Variants in NUDCD1 observed in about 807,000 individuals in gnomAD.
NUDCD1 encodes the protein nudC domain-containing protein 1.
A neutral mutation model predicts 67.8 loss-of-function variants in NUDCD1; 60 were observed. That is an observed-to-expected ratio of 0.88 (90% CI 0.72 to 1.10). The LOEUF (loss-of-function observed/expected upper bound fraction) is 1.10, where lower values mean the gene tolerates loss of function less well. NUDCD1 is among the 50% of genes least tolerant of loss of function. The probability of loss-of-function intolerance (pLI) is 0.00; values close to 1 mark genes in which losing one functional copy is unlikely to be tolerated. For synonymous variants in NUDCD1, 244 were observed against 230.8 expected (o/e 1.06, Z -0.52); for missense variants, 643 against 695.0 (o/e 0.93, Z 0.84).
intron 4 of NUDCD1, among the ~76,000 whole-genome samples, chr8:109,292,335 C>G (rs111598875): frequency 0.021 from 3,153 of 151,932 alleles, 110 homozygotes; most frequent in African/African-American, 0.072. Context: ...ACTACAACAC[C>G]AAAAAGAACT....
At chr8:109,270,085 CCTTAAGG>C (rs1814108315) in intron 8 of NUDCD1, among the ~76,000 whole-genome samples, 8 of 5,068 alleles carry the variant, frequency 1.6e-3, no homozygotes, top group Admixed American at 3.2e-3. Flanking sequence ...GGGGGGGGTG[CCTTAAGG>C]TGGGGTGTGA....
intron 2 of NUDCD1, among the ~76,000 whole-genome samples, chr8:109,320,195 T>C (rs1815502233): frequency 6.6e-6 from 1 of 152,220 alleles, no homozygotes; most frequent in African/African-American, 2.4e-5. Context: ...TCAACCGGTC[T>C]GACCAAAATT....
chr8:109,308,318 C>T (rs1046319965), intron 2 of NUDCD1, among the ~76,000 whole-genome samples: 2 of 152,152 alleles, frequency 1.3e-5, no homozygotes, highest in African/African-American at 4.8e-5. Context: ...CTCTGGGACA[C>T]AGCAAAGGCA....
In NUDCD1 at chr8:109,241,585, A is replaced by G. The variant is rs1372151987; in HGVS notation, c.*1424T>C. 6.6e-6 allele frequency: 1 copy of G among 152,248 alleles called. No individual in the cohort carries two copies. Among genetic ancestry groups the G allele is most frequent in the African/African-American group, 2.4e-5 (1 of 41,438 alleles). The allele number at this position is 152,248 out of a possible 1,614,324, so 9.4% of individuals were successfully genotyped here. On this transcript the variant is annotated 3_prime_UTR_variant, in exon 10 of 10. Coordinates refer to ENST00000239690, the MANE Select transcript of NUDCD1 (RefSeq NM_032869.4). ...AGTACTATTAGGACTCCAATTGTCA[A>G]TACCAGTCCTCAGGACCTTTCCTAA...
chr8:109,303,459 G>C (rs1424304814), intron 2 of NUDCD1, among the ~76,000 whole-genome samples: 2 of 152,136 alleles, frequency 1.3e-5, no homozygotes, highest in African/African-American at 4.8e-5. Context: ...GAGTATTGAC[G>C]GCCAGGCTTC....
chr8:109,296,309 T>C (rs1325334013), intron 3 of NUDCD1, 75 bp downstream of exon 3: 10 of 1,156,492 alleles, frequency 8.6e-6, no homozygotes, highest in African/African-American at 1.5e-5. Flanking sequence ...CCTTGAAAAG[T>C]GTCATTTTAA....
chr8:109,255,814 A>G (rs1813723849), intron 8 of NUDCD1, among the ~76,000 whole-genome samples: 1 of 152,220 alleles, frequency 6.6e-6, no homozygotes, highest in African/African-American at 2.4e-5. Flanking sequence ...GAGAAAAGGT[A>G]GAACATTTCA....
intron 8 of NUDCD1, among the ~76,000 whole-genome samples, chr8:109,261,235 T>C (rs1046641289): frequency 1.3e-5 from 2 of 152,262 alleles, no homozygotes; most frequent in South Asian, 2.1e-4. Flanking sequence ...AGGCTACAAA[T>C]TGAACCTACA....
At chr8:109,327,075 A>G (rs760388394) in intron 1 of NUDCD1, among the ~76,000 whole-genome samples, 4 of 152,228 alleles carry the variant, frequency 2.6e-5, no homozygotes, top group Non-Finnish European at 4.4e-5. Context: ...TAACTTACAA[A>G]GGTCACTTCA....
intron 7 of NUDCD1, among the ~76,000 whole-genome samples, chr8:109,274,452 G>C (rs1472633124): frequency 6.6e-6 from 1 of 152,112 alleles, no homozygotes; most frequent in East Asian, 1.9e-4. Flanking sequence ...AATACTTGCT[G>C]AATGAGCGAA....
At chr8:109,295,083 A>C (rs1013462238) in intron 3 of NUDCD1, among the ~76,000 whole-genome samples, 1 of 152,160 alleles carries the variant, frequency 6.6e-6, no homozygotes, top group African/African-American at 2.4e-5. Flanking sequence ...AGGTAGAATT[A>C]AGTTTTTAAA....
At chr8:109,309,537 CT>C (rs1815190263) in intron 2 of NUDCD1, among the ~76,000 whole-genome samples, 1 of 152,140 alleles carries the variant, frequency 6.6e-6, no homozygotes, top group Non-Finnish European at 1.5e-5. Context: ...AGCATTCCCT[CT>C]GAAAACTGGA....
At chr8:109,312,030 C>G (rs927441740) in intron 2 of NUDCD1, among the ~76,000 whole-genome samples, 1 of 151,874 alleles carries the variant, frequency 6.6e-6, no homozygotes, top group African/African-American at 2.4e-5. Context: ...CGGCTGGGCG[C>G]GGTGGCTCAT....
At chr8:109,298,675 T>TA (rs1205999548) in intron 2 of NUDCD1, 11 of 152,024 alleles carry the variant, frequency 7.2e-5, no homozygotes, top group Admixed American at 2.0e-4. Flanking sequence ...ATGTATAACA[T>TA]AAAAAAAGCC....
chr8:109,261,318 C>T (rs1431749733), intron 8 of NUDCD1, among the ~76,000 whole-genome samples: 11 of 151,978 alleles, frequency 7.2e-5, no homozygotes. Flanking sequence ...ATTAGCACTG[C>T]TAGGTCAAGA....
intron 7 of NUDCD1, among the ~76,000 whole-genome samples, chr8:109,274,853 G>A (rs1486572574): frequency 6.6e-6 from 1 of 152,050 alleles, no homozygotes; most frequent in Non-Finnish European, 1.5e-5. Context: ...TCATGAGAGT[G>A]GGAATGTATT....
chr8:109,329,176 T>C (rs186023541), intron 1 of NUDCD1, among the ~76,000 whole-genome samples: 15 of 151,118 alleles, frequency 9.9e-5, no homozygotes, highest in South Asian at 2.1e-4. Flanking sequence ...ATGGAAACTA[T>C]TGGCAATAAA....
At chr8:109,258,181 C>G (rs1454320200) in intron 8 of NUDCD1, among the ~76,000 whole-genome samples, 1 of 152,070 alleles carries the variant, frequency 6.6e-6, no homozygotes, top group Admixed American at 6.5e-5. Flanking sequence ...TGCAGCCCAT[C>G]TGTAACTGAT....
chr8:109,329,805 C>T (rs1251240749), intron 1 of NUDCD1: 1 of 1,549,294 alleles, frequency 6.5e-7, no homozygotes, highest in African/African-American at 1.4e-5. Context: ...TCCTACTTAC[C>T]AGGCATGCTC....
Sources: allele counts gnomAD v4.1 joint callset (sites outside exome capture counted in the v4.1 genomes callset), GRCh38; gene constraint gnomAD v4.1.1; transcripts MANE v1.5; gene names NCBI Gene and HGNC (gene_info 2026-07-23, HGNC 2026-07-21).